KCNC4: variants seen among roughly 807,000 people sequenced by gnomAD.
The protein encoded by KCNC4 is potassium voltage-gated channel subfamily C member 4.
A neutral mutation model predicts 42.8 loss-of-function variants in KCNC4; 23 were observed. The observed-to-expected ratio is 0.54, with a 90% CI of 0.39 to 0.76. The LOEUF is 0.76. Ranked by LOEUF, KCNC4 falls within the 30% of genes least tolerant of loss-of-function variation. The pLI, the probability that KCNC4 is intolerant of heterozygous loss-of-function variation, is 0.00. For synonymous variants in KCNC4, 422 were observed against 393.5 expected (o/e 1.07, Z -0.86); for missense variants, 751 against 898.2 (o/e 0.84, Z 2.10).
rs1170203097 is a variant in KCNC4, at chr1:110,218,584, A to G, written c.679-4380A>G. ...TAAAGTCGGCCTCCACTAGAATGTAAGGTCCCGGGGCAAGGGTGGTTGTCT... is the reference window on the plus strand; with the variant it reads ...TAAAGTCGGCCTCCACTAGAATGTAGGGTCCCGGGGCAAGGGTGGTTGTCT... On this transcript the variant is annotated intron_variant, in intron 1 of 3. Transcript: ENST00000438661. 4.8e-5 allele frequency among the ~76,000 whole-genome samples: 4 copies of G among 84,138 alleles called. No individual in the cohort carries two copies. The East Asian group carries it at 9.1e-4, about 19-fold the overall frequency. 55.2% of individuals were successfully genotyped at this position (84,138 alleles called of 152,430 possible). A position where few individuals can be genotyped will look rare whatever the true frequency, so the allele number is the denominator to read the frequency against.
exon 4 of KCNC4, chr1:110,245,697 A>C (rs1434250742): frequency 6.6e-6 from 1 of 152,282 alleles, no homozygotes; most frequent in African/African-American, 2.4e-5. Context: ...TGACTATGGA[A>C]CCATCCCAAA....
chr1:110,239,494 T>TAA (rs1409618401), exon 4 of KCNC4: 1 of 152,244 alleles, frequency 6.6e-6, no homozygotes, highest in Admixed American at 6.5e-5. Flanking sequence ...TCATGGTACT[T>TAA]ACAGTCCTTT....
At chr1:110,269,597 C>T (rs757993393) in intron 1 of KCNC4, among the ~76,000 whole-genome samples, 1 of 152,170 alleles carries the variant, frequency 6.6e-6, no homozygotes, top group Non-Finnish European at 1.5e-5. Flanking sequence ...AATAAAGCTG[C>T]TATAAACATT....
chr1:110,280,480 T>C (rs1482718797), intron 1 of KCNC4, among the ~76,000 whole-genome samples: 1 of 151,632 alleles, frequency 6.6e-6, no homozygotes, highest in Non-Finnish European at 1.5e-5. Context: ...GAAATTGGCC[T>C]GGATAGGAAA....
Position 110,212,025 on chromosome 1 carries a change from G to A in KCNC4, c.526G>A (p.Glu176Lys), listed in dbSNP as rs1285154341. ...GGGSGAGPSD[E>K]AGDDERELAL... ...CGGCAGCGGCGCGGGGCCCAGCGAC[G>A]AGGCCGGCGACGATGAGCGGGAGCT... Residue 176 changes from glutamate (E) to lysine (K), a missense_variant, in exon 1 of 4, where the codon GAG becomes AAG. Coordinates refer to ENST00000438661, the MANE Select transcript of KCNC4 (RefSeq NM_001039574.3). 3.1e-6 allele frequency: 5 copies of A among 1,593,726 alleles called. No homozygotes were observed. The highest frequency in any genetic ancestry group is 4.3e-6 in the Non-Finnish European group (5 of 1,171,806).
At chr1:110,218,020 A>AT (rs1657891748) in intron 1 of KCNC4, among the ~76,000 whole-genome samples, 1 of 151,680 alleles carries the variant, frequency 6.6e-6, no homozygotes, top group Non-Finnish European at 1.5e-5. Context: ...TGTGTTCTCA[A>AT]TTTTCCCTTC....
chr1:110,249,853 G>A (rs1659219932), downstream of KCNC4, among the ~76,000 whole-genome samples: 1 of 151,970 alleles, frequency 6.6e-6, no homozygotes, highest in Non-Finnish European at 1.5e-5. Flanking sequence ...AACTCTTTCT[G>A]TCTTCCCAAA....
At position 110,211,709 on chromosome 1, in the gene KCNC4, CG is replaced by C. The variant is rs1657464933; in HGVS notation, c.215del (p.Gly72AlafsTer75). ...RLAWLADPDG[G>X]GRPETDGGGV... ...TCGCCTGGCTGGCCGACCCCGACGG[CG>C]GGGGCCGGCCCGAGACCGATGGCGG... On this transcript the variant is annotated frameshift_variant, in exon 1 of 4. Coordinates refer to ENST00000438661, the MANE Select transcript of KCNC4 (RefSeq NM_001039574.3). LOFTEE classifies it high-confidence loss of function. This position sits in a 1 kb window ranked among gnomAD's most constrained non-coding sequence, Gnocchi z 6.5. 1.2e-6 allele frequency: 2 copies of C among 1,608,118 alleles called. No homozygotes were observed. Among genetic ancestry groups the C allele is most frequent in the Non-Finnish European group, 1.7e-6 (2 of 1,177,390 alleles).
At chr1:110,232,215 A>G in intron 3 of KCNC4, 1 of 1,613,738 alleles carries the variant, frequency 6.2e-7, no homozygotes, top group Non-Finnish European at 8.5e-7. Context: ...TTCTCTCCTG[A>G]GACAGGCACA....
chr1:110,235,943 C>G (rs913611561), downstream of KCNC4: 6 of 152,126 alleles, frequency 3.9e-5, no homozygotes, highest in Non-Finnish European at 7.3e-5. Flanking sequence ...TGCCTGAGGC[C>G]GTGTCTCTCT....
At chr1:110,278,859 C>T (rs1315258112) in intron 1 of KCNC4, among the ~76,000 whole-genome samples, 1 of 152,180 alleles carries the variant, frequency 6.6e-6, no homozygotes, top group Non-Finnish European at 1.5e-5. Flanking sequence ...GGGCTTTTCT[C>T]ACTGCCAGGT....
At chr1:110,229,434 C>G (rs1400072651) in intron 3 of KCNC4, among the ~76,000 whole-genome samples, 4 of 152,164 alleles carry the variant, frequency 2.6e-5, no homozygotes, top group Non-Finnish European at 5.9e-5. Flanking sequence ...AGTGGTGACT[C>G]CCACTGGCGG....
intron 1 of KCNC4, among the ~76,000 whole-genome samples, chr1:110,255,959 G>T (rs6660536): frequency 0.31 from 47,891 of 152,128 alleles, 7,924 homozygotes; most frequent in Non-Finnish European, 0.36. Flanking sequence ...TCTAGAAGCT[G>T]CTCAGGGAGG....
chr1:110,243,704 G>C (rs1204737292), exon 4 of KCNC4: 1 of 152,744 alleles, frequency 6.5e-6, no homozygotes, highest in African/African-American at 2.4e-5. Context: ...AGGTAGGGAA[G>C]GGGGAGGGGC....
At chr1:110,225,845 C>A in intron 2 of KCNC4, 130 bp from the exon 3 acceptor site, 2 of 851,306 alleles carry the variant, frequency 2.3e-6, no homozygotes, top group African/African-American at 1.7e-5. Flanking sequence ...GCAATGCTGC[C>A]TCTCAGGTAG....
At chr1:110,234,348 T>C (rs1016993817), downstream of KCNC4, 2 of 152,166 alleles carry the variant, frequency 1.3e-5, no homozygotes, top group Non-Finnish European at 2.9e-5. Context: ...GTTTAAGGAA[T>C]TCCACTGCAT....
At chr1:110,217,206 G>C (rs1557854100) in intron 1 of KCNC4, among the ~76,000 whole-genome samples, 1 of 152,042 alleles carries the variant, frequency 6.6e-6, no homozygotes, top group Non-Finnish European at 1.5e-5. Context: ...GGTGCCACAG[G>C]AGTCGTAAGA....
downstream of KCNC4, among the ~76,000 whole-genome samples, chr1:110,252,591 G>T (rs766692243): frequency 2.0e-5 from 3 of 152,138 alleles, no homozygotes; most frequent in South Asian, 2.1e-4. Flanking sequence ...CTGAAACCCT[G>T]CCCCTCTGCT....
At chr1:110,212,654 C>T (rs778447982) in intron 1 of KCNC4, among the ~76,000 whole-genome samples, 1 of 152,164 alleles carries the variant, frequency 6.6e-6, no homozygotes, top group African/African-American at 2.4e-5. Flanking sequence ...TTTACATCCT[C>T]CCAGCAGCTC....
Sources: allele counts gnomAD v4.1 joint callset (sites outside exome capture counted in the v4.1 genomes callset), GRCh38; gene constraint gnomAD v4.1.1; non-coding constraint Gnocchi (gnomAD v3.1); transcripts MANE v1.5; gene names NCBI Gene and HGNC (gene_info 2026-07-23, HGNC 2026-07-21).